NTNG1: variants seen among roughly 807,000 people sequenced by gnomAD.
NTNG1 encodes netrin-G1.
A neutral mutation model predicts 54.0 loss-of-function variants in NTNG1; 16 were observed. The ratio of observed to expected loss-of-function variants is 0.30; its 90% CI spans 0.20 to 0.45. NTNG1 has a LOEUF of 0.45. NTNG1 is among the 20% of genes least tolerant of loss of function. NTNG1 has a pLI of 1.00. For synonymous variants in NTNG1, 255 were observed against 263.1 expected (o/e 0.97, Z 0.30); for missense variants, 530 against 678.7 (o/e 0.78, Z 2.43).
At chr1:107,472,944 C>T (rs1678076426) in intron 7 of NTNG1, among the ~76,000 whole-genome samples, 1 of 152,192 alleles carries the variant, frequency 6.6e-6, no homozygotes, top group Non-Finnish European at 1.5e-5. Flanking sequence ...CACAGCTCTT[C>T]AACTCCCTGC....
At chr1:107,289,751 T>G (rs910575269) in intron 2 of NTNG1, among the ~76,000 whole-genome samples, 2 of 152,144 alleles carry the variant, frequency 1.3e-5, no homozygotes, top group Non-Finnish European at 1.5e-5. Context: ...TGGCATAGAG[T>G]AAGCCCTCAT....
At chr1:107,207,392 A>G (rs1659274760) in intron 2 of NTNG1, among the ~76,000 whole-genome samples, 1 of 152,168 alleles carries the variant, frequency 6.6e-6, no homozygotes, top group Non-Finnish European at 1.5e-5. Context: ...CAGACTGTGG[A>G]CAGCCACCTC....
At chr1:107,149,391 G>A (rs1654388930) in intron 2 of NTNG1, among the ~76,000 whole-genome samples, 1 of 152,130 alleles carries the variant, frequency 6.6e-6, no homozygotes. Flanking sequence ...AGCCTTGTGA[G>A]AAGTTTTTCC....
intron 7 of NTNG1, among the ~76,000 whole-genome samples, chr1:107,448,299 C>G (rs1676421748): frequency 1.3e-5 from 2 of 152,000 alleles, no homozygotes; most frequent in South Asian, 4.1e-4. Context: ...TGTCATGTAC[C>G]AGGCACTATG....
chr1:107,342,854 A>G (rs994625147), intron 3 of NTNG1, among the ~76,000 whole-genome samples: 1 of 152,072 alleles, frequency 6.6e-6, no homozygotes, highest in Non-Finnish European at 1.5e-5. Context: ...AGAACGACCA[A>G]TAAATAATCA....
intron 3 of NTNG1, chr1:107,328,975 T>C (rs963158224): frequency 9.9e-5 from 15 of 152,280 alleles, no homozygotes; most frequent in Admixed American, 6.5e-4. Flanking sequence ...ACATCTTCAG[T>C]ATTTACCCTT....
At chr1:107,427,389 T>G (rs1328477228) in intron 5 of NTNG1, among the ~76,000 whole-genome samples, 4 of 152,074 alleles carry the variant, frequency 2.6e-5, no homozygotes, top group African/African-American at 9.7e-5. Context: ...AAATAATTAT[T>G]AAACTATTAA....
intron 3 of NTNG1, among the ~76,000 whole-genome samples, chr1:107,379,693 A>C (rs1459330930): frequency 1.3e-5 from 2 of 152,206 alleles, no homozygotes. Context: ...GTCAGGTACT[A>C]TTTTTTAAAT....
intron 6 of NTNG1, among the ~76,000 whole-genome samples, chr1:107,431,405 CA>C (rs1198289966): frequency 1.3e-5 from 2 of 152,082 alleles, no homozygotes; most frequent in African/African-American, 4.8e-5. Flanking sequence ...AAATGACTAG[CA>C]ACTGGAAATG....
chr1:107,457,294 C>T (rs1331977383), intron 7 of NTNG1, among the ~76,000 whole-genome samples: 2 of 152,170 alleles, frequency 1.3e-5, no homozygotes, highest in Non-Finnish European at 2.9e-5. Context: ...GTACTAAATC[C>T]CCAATCCAAT....
intron 7 of NTNG1, among the ~76,000 whole-genome samples, chr1:107,463,110 G>A (rs776448615): frequency 6.6e-6 from 1 of 152,150 alleles, no homozygotes; most frequent in Admixed American, 6.5e-5. Context: ...GATTTTCATT[G>A]TGCCTTGACT....
At chr1:107,187,481 G>C (rs1427129649) in intron 2 of NTNG1, among the ~76,000 whole-genome samples, 4 of 152,152 alleles carry the variant, frequency 2.6e-5, no homozygotes, top group African/African-American at 9.6e-5. Context: ...GCATATCACT[G>C]AATTAATGAA....
At chr1:107,440,330 T>C (rs1026212498) in intron 7 of NTNG1, among the ~76,000 whole-genome samples, 11 of 152,146 alleles carry the variant, frequency 7.2e-5, no homozygotes, top group African/African-American at 2.7e-4. Context: ...ATTCTGTGAA[T>C]AGAAACAGTG....
chr1:107,161,221 A>C (rs1286883227), intron 2 of NTNG1, among the ~76,000 whole-genome samples: 1 of 152,202 alleles, frequency 6.6e-6, no homozygotes, highest in African/African-American at 2.4e-5. Context: ...TTCATATCAA[A>C]GATTATTGCT....
intron 2 of NTNG1, among the ~76,000 whole-genome samples, chr1:107,201,532 G>A (rs1008825809): frequency 1.3e-5 from 2 of 151,768 alleles, no homozygotes; most frequent in Admixed American, 1.3e-4. Flanking sequence ...TGCCAAAGAT[G>A]TTATCTCTTG....
At chr1:107,462,246 T>G (rs910042233) in intron 7 of NTNG1, among the ~76,000 whole-genome samples, 8 of 152,174 alleles carry the variant, frequency 5.3e-5, no homozygotes, top group African/African-American at 1.9e-4. Flanking sequence ...GTAATAGCAT[T>G]CACAGCATTC....
chr1:107,440,316 C>A (rs993280473), intron 7 of NTNG1, among the ~76,000 whole-genome samples: 1 of 152,098 alleles, frequency 6.6e-6, no homozygotes, highest in Non-Finnish European at 1.5e-5. Flanking sequence ...ACAGTGTTGC[C>A]TATATTCTGT....
At chr1:107,415,764 TCTCA>T (rs1013120126) in intron 5 of NTNG1, among the ~76,000 whole-genome samples, 3 of 152,318 alleles carry the variant, frequency 2.0e-5, no homozygotes, top group African/African-American at 4.8e-5. Context: ...TGAGAATTTT[TCTCA>T]CTAAGAATTC....
chr1:107,328,620 C>T (rs1668097391), intron 3 of NTNG1, among the ~76,000 whole-genome samples: 1 of 152,068 alleles, frequency 6.6e-6, no homozygotes, highest in Non-Finnish European at 1.5e-5. Flanking sequence ...TTCTTATTTA[C>T]ACCATTGGAA....
Sources: gnomAD v4.1 joint callset for allele counts (sites outside exome capture counted in the v4.1 genomes callset) on GRCh38, gnomAD v4.1.1 for gene constraint, MANE v1.5 for transcripts, NCBI Gene and HGNC (gene_info 2026-07-23, HGNC 2026-07-21) for gene names.